The following PCDHGB4 variants were observed in gnomAD, a reference collection of about 807,000 sequenced individuals.
The protein encoded by PCDHGB4 is protocadherin gamma subfamily B, 4.
PCDHGB4 carries 38 observed loss-of-function variants against 60.5 expected under a neutral mutation model. That is an observed-to-expected ratio of 0.63 (90% CI 0.48 to 0.82). The LOEUF (loss-of-function observed/expected upper bound fraction) is 0.82, where lower values mean the gene tolerates loss of function less well. Among genes scored for constraint, PCDHGB4 ranks in the 40% least tolerant of loss-of-function variants. The pLI is 0.00. For synonymous variants in PCDHGB4, 456 were observed against 509.7 expected, an observed-to-expected ratio of 0.89 and a Z score of 1.42; for missense variants, 1,109 against 1,209.6, an observed-to-expected ratio of 0.92 and a Z score of 1.23.
rs779686795 is a variant in PCDHGB4, at chr5:141,476,566, G to A, written c.2398-18241G>A. On this transcript the variant is annotated intron_variant, in intron 1 of 3. Coordinates refer to ENST00000519479, the MANE Select transcript of PCDHGB4 (RefSeq NM_003736.4). The surrounding 1 kb of genome is among the most constrained non-coding windows in gnomAD (Gnocchi z 7.6). ...TGGAGATTAGCGAGGCCGTGGCTCC[G>A]GGGACGCGCTTTCCGCTCGAGAGCG... The A allele has an allele frequency of 1.2e-6, 2 of 1,614,062 alleles. No homozygotes were observed. Among genetic ancestry groups the A allele is most frequent in the East Asian group, 2.2e-5 (1 of 44,872 alleles).
At chr5:141,427,067 G>A (rs1170378664) in intron 1 of PCDHGB4, 1 of 457,930 alleles carries the variant, frequency 2.2e-6, no homozygotes, top group Non-Finnish European at 4.4e-6. Context: ...CTGTACTAAA[G>A]GTGACAGCCA....
intron 2 of PCDHGB4, among the ~76,000 whole-genome samples, chr5:141,504,621 T>A (rs1185981312): frequency 7.9e-6 from 1 of 126,856 alleles, no homozygotes; most frequent in Non-Finnish European, 1.6e-5. Flanking sequence ...GATAGGAAAG[T>A]GCACCTTGGA....
At chr5:141,394,100 ACCACCTCTGT>A in intron 1 of PCDHGB4, 1 of 1,613,942 alleles carries the variant, frequency 6.2e-7, no homozygotes, top group Admixed American at 1.7e-5. Context: ...ATCTAGGAAC[ACCACCTCTGT>A]CCACTGAAAC....
chr5:141,398,975 G>A, intron 1 of PCDHGB4: 2 of 1,613,926 alleles, frequency 1.2e-6, no homozygotes, highest in Middle Eastern at 1.6e-4. Context: ...TCCTTCTACA[G>A]AACCGGGCAA....
chr5:141,463,438 CTTTTTTTTTT>C (rs71576115), intron 1 of PCDHGB4, among the ~76,000 whole-genome samples: 6 of 103,254 alleles, frequency 5.8e-5, no homozygotes, highest in Non-Finnish European at 9.4e-5. Flanking sequence ...TTTCCTTCTC[CTTTTTTTTTT>C]TTTTTTTTTT....
intron 1 of PCDHGB4, chr5:141,419,732 G>A (rs2096422854): frequency 6.2e-7 from 1 of 1,613,792 alleles, no homozygotes; most frequent in Non-Finnish European, 8.5e-7. Flanking sequence ...GCGAACAGGC[G>A]AGGTGCGCAT....
chr5:141,481,104 C>T (rs2099531861), intron 1 of PCDHGB4, among the ~76,000 whole-genome samples: 1 of 152,130 alleles, frequency 6.6e-6, no homozygotes. Context: ...ACTCTGGAAC[C>T]TACCAATCCA....
Position 141,400,778 on chromosome 5 carries a change from T to A in PCDHGB4, c.2397+10497T>A, listed in dbSNP as rs1589424490. ...TCTCTAGCAAAAACATTTGGTGCGT[T>A]TTTTTGTCCTCTTTCTCAAAGCTAA... On this transcript the variant is annotated intron_variant, in intron 1 of 3. Coordinates refer to ENST00000519479, the MANE Select transcript of PCDHGB4 (RefSeq NM_003736.4). 6 of 568,120 alleles carry A rather than the reference T, an allele frequency of 1.1e-5. No individual in the cohort carries two copies. The East Asian group carries it at 1.7e-4, about 16-fold the overall frequency. 35.2% of individuals were successfully genotyped at this position (568,120 alleles called of 1,614,324 possible).
At chr5:141,497,203 G>A (rs750138875) in intron 2 of PCDHGB4, among the ~76,000 whole-genome samples, 25 of 91,718 alleles carry the variant, frequency 2.7e-4, no homozygotes, top group Non-Finnish European at 4.9e-4. Flanking sequence ...AACAATGTGA[G>A]TGTAATGGGG....
chr5:141,418,707 G>T (rs2096282239), intron 1 of PCDHGB4: 1 of 1,614,016 alleles, frequency 6.2e-7, no homozygotes, highest in Non-Finnish European at 8.5e-7. Context: ...TCCTTCTTTG[G>T]TGTGGCTGAC....
At chr5:141,499,461 A>G (rs1448103747) in intron 2 of PCDHGB4, among the ~76,000 whole-genome samples, 2 of 152,226 alleles carry the variant, frequency 1.3e-5, no homozygotes. Flanking sequence ...TCATTTTACA[A>G]TCTAGGGAGA....
At chr5:141,481,913 CAAAA>C (rs34114744) in intron 1 of PCDHGB4, among the ~76,000 whole-genome samples, 1 of 90,848 alleles carries the variant, frequency 1.1e-5, no homozygotes, top group Non-Finnish European at 2.2e-5. Context: ...AACTCCATCT[CAAAA>C]AAAAAAAAAA....
In PCDHGB4 at chr5:141,511,251, A is replaced by T. The variant is rs780892899; in HGVS notation, c.*78A>T. 2.0e-5 allele frequency: 32 copies of T among 1,571,672 alleles called. No homozygotes were observed. Among genetic ancestry groups the T allele is most frequent in the Non-Finnish European group, 2.6e-5 (30 of 1,158,828 alleles). ...TTCTCCTTACCTGCACCCAGGCCTC[A>T]GAGTTTCAGGGCTAACCCCCAGAAT... On this transcript the variant is annotated 3_prime_UTR_variant, in exon 4 of 4. Transcript: ENST00000519479.
At position 141,447,890 on chromosome 5, in the gene PCDHGB4, A is replaced by AC. The variant is rs1252174829; in HGVS notation, c.2398-46917_2398-46916insC. On this transcript the variant is annotated intron_variant, in intron 1 of 3. Transcript: ENST00000519479. ...CATCTGAGGTCAGGAGTTCGAGACCAGCCTGGCCAACATGGTGAAACTCTG... is the reference window on the plus strand; with the variant it reads ...CATCTGAGGTCAGGAGTTCGAGACCACGCCTGGCCAACATGGTGAAACTCTG... 1.3e-5 allele frequency among the ~76,000 whole-genome samples: 2 copies of AC among 152,146 alleles called. 1 individual carries two copies. The highest frequency in any genetic ancestry group is 4.8e-5 in the African/African-American group (2 of 41,434).
intron 1 of PCDHGB4, chr5:141,428,113 T>G: frequency 3.7e-6 from 6 of 1,607,492 alleles, no homozygotes; most frequent in Non-Finnish European, 5.1e-6. Context: ...CTGCAGGCCA[T>G]CGAGCCCGGG....
chr5:141,452,002 T>C (rs965343762), intron 1 of PCDHGB4, among the ~76,000 whole-genome samples: 1 of 152,220 alleles, frequency 6.6e-6, no homozygotes, highest in African/African-American at 2.4e-5. Context: ...GCAAAATCAC[T>C]TGGTCCAGCC....
rs1041367498 is a variant in PCDHGB4 at position 141,489,060 on chromosome 5, T to G, written c.2398-5747T>G. ...CAGCTCCACTCAAATTCAGCTCCCCTCCCCCCTGCCCACCCCCGCCACTCG... is the reference window on the plus strand; with the variant it reads ...CAGCTCCACTCAAATTCAGCTCCCCGCCCCCCTGCCCACCCCCGCCACTCG... On this transcript the variant is annotated intron_variant, in intron 1 of 3. Transcript: ENST00000519479. This position sits in a 1 kb window ranked among gnomAD's most constrained non-coding sequence, Gnocchi z 4.5. The G allele has an allele frequency of 1.7e-5, 5 of 300,224 alleles. No individual in the cohort carries two copies. The highest frequency in any genetic ancestry group is 2.4e-5 in the African/African-American group (1 of 42,484). The allele number at this position is 300,224 out of a possible 1,614,324, so 18.6% of individuals were successfully genotyped here.
chr5:141,423,364 C>G (rs1299667864), intron 1 of PCDHGB4: 2 of 1,614,102 alleles, frequency 1.2e-6, no homozygotes, highest in East Asian at 4.5e-5. Flanking sequence ...CATCGTGCTG[C>G]TGGCACTCAG....
rs1285420674 is a variant in PCDHGB4 at position 141,409,726 on chromosome 5, C to G, written c.2397+19445C>G. The G allele has an allele frequency of 1.9e-6, 3 of 1,612,982 alleles. No homozygotes were observed. The Admixed American group carries it at 5.0e-5, about 27-fold the overall frequency. On this transcript the variant is annotated intron_variant, in intron 1 of 3. Transcript: ENST00000519479. ...CGGTGTCGTCATACGTGTCAGTGAG[C>G]GCGCAGAGCGGGGTGGTGTTCGCGC...
Sources: gnomAD v4.1 joint callset for allele counts (sites outside exome capture counted in the v4.1 genomes callset) on GRCh38, gnomAD v4.1.1 for gene constraint, Gnocchi (gnomAD v3.1) non-coding constraint, MANE v1.5 for transcripts, NCBI Gene and HGNC (gene_info 2026-07-23, HGNC 2026-07-21) for gene names.